THADA: variants seen among roughly 807,000 people sequenced by gnomAD.
THADA encodes THADA armadillo repeat containing.
Under a neutral mutation model 219.8 loss-of-function variants are expected in THADA, and 213 were observed. The observed-to-expected ratio is 0.97, with a 90% CI of 0.87 to 1.09. THADA has a LOEUF of 1.09. Ranked by LOEUF, THADA falls within the 50% of genes least tolerant of loss-of-function variation. The pLI, the probability that THADA is intolerant of heterozygous loss-of-function variation, is 0.00. For missense variants in THADA, 2,956 were observed against 2,311.3 expected (o/e 1.28, Z -5.72); for synonymous variants, 1,018 against 828.9 (o/e 1.23, Z -3.92).
chr2:43,450,600 T>C (rs571890337), intron 26 of THADA, among the ~76,000 whole-genome samples: 8 of 150,674 alleles, frequency 5.3e-5, no homozygotes, highest in East Asian at 2.0e-4. Context: ...AGAAAACAAA[T>C]AGCCAAATTA....
intron 29 of THADA, among the ~76,000 whole-genome samples, chr2:43,355,536 TA>T (rs1668780116): frequency 6.6e-6 from 1 of 152,244 alleles, no homozygotes; most frequent in South Asian, 2.1e-4. Context: ...TTTGCTTTTG[TA>T]GACTGACCTT....
intron 20 of THADA, among the ~76,000 whole-genome samples, chr2:43,543,776 T>C (rs1348982778): frequency 6.6e-6 from 1 of 152,172 alleles, no homozygotes; most frequent in African/African-American, 2.4e-5. Context: ...TATTAGCCCT[T>C]TGTCAGATGA....
At chr2:43,442,222 C>T (rs967707673) in intron 26 of THADA, among the ~76,000 whole-genome samples, 3 of 152,132 alleles carry the variant, frequency 2.0e-5, no homozygotes, top group Non-Finnish European at 2.9e-5. Context: ...GATCCCTTGA[C>T]GTCAGGAGTT....
Position 43,231,150 on chromosome 2 carries a change from C to G in THADA, c.5660G>C (p.Arg1887Thr), listed in dbSNP as rs1476526284. Residue 1887 changes from arginine (R) to threonine (T), a missense_variant, in exon 38 of 38, where the codon AGA (arginine) becomes ACA (threonine). Transcript: ENST00000405975. The part of the protein sequence containing the change: ...EQCHLLSQFF[R>T]ELPPAAEFVK... ...AAACTCAGCAGCTGGTGGAAGCTCT[C>G]TGAAGAACTGAGACAGGAGGTGGCA... 2 of 1,613,724 alleles carry G rather than the reference C, an allele frequency of 1.2e-6. No individual in the cohort carries two copies. Among genetic ancestry groups the G allele is most frequent in the African/African-American group, 1.3e-5 (1 of 74,906 alleles).
At chr2:43,467,475 A>G (rs1684398504) in intron 26 of THADA, among the ~76,000 whole-genome samples, 1 of 152,196 alleles carries the variant, frequency 6.6e-6, no homozygotes, top group African/African-American at 2.4e-5. Context: ...TACTGATGCT[A>G]CTACCATCAT....
chr2:43,559,214 A>C (rs1024047772), intron 16 of THADA, among the ~76,000 whole-genome samples: 2 of 152,206 alleles, frequency 1.3e-5, no homozygotes, highest in Non-Finnish European at 2.9e-5. Flanking sequence ...AGCACCAGGG[A>C]ACTTTCTGCT....
At chr2:43,284,074 G>A (rs570289304) in intron 35 of THADA, among the ~76,000 whole-genome samples, 2 of 152,202 alleles carry the variant, frequency 1.3e-5, no homozygotes, top group African/African-American at 4.8e-5. Context: ...AGCTACTGAG[G>A]AGGCTGAGGC....
chr2:43,400,120 G>C (rs1674614402), intron 28 of THADA, among the ~76,000 whole-genome samples: 1 of 152,022 alleles, frequency 6.6e-6, no homozygotes, highest in Non-Finnish European at 1.5e-5. Context: ...TTTCCAATTA[G>C]CAGTGACTGT....
At chr2:43,274,713 G>A (rs148725934) in intron 36 of THADA, among the ~76,000 whole-genome samples, 52 of 152,194 alleles carry the variant, frequency 3.4e-4, no homozygotes, top group African/African-American at 1.2e-3. Context: ...ATGACTTTTT[G>A]TGGGCAAGGG....
At chr2:43,515,326 A>T (rs1219715115) in intron 22 of THADA, among the ~76,000 whole-genome samples, 5 of 40,224 alleles carry the variant, frequency 1.2e-4, no homozygotes, top group Admixed American at 1.1e-3. Flanking sequence ...TTTTATATAT[A>T]ATATATAATA....
intron 26 of THADA, 28 bp from the exon 27 acceptor site, chr2:43,430,330 T>C: frequency 1.5e-6 from 2 of 1,302,822 alleles, no homozygotes; most frequent in Non-Finnish European, 2.1e-6. Flanking sequence ...AAAAATTTAT[T>C]ATCATTTATT....
chr2:43,332,847 T>A (rs1232778754), intron 30 of THADA, among the ~76,000 whole-genome samples: 2 of 152,206 alleles, frequency 1.3e-5, no homozygotes, highest in Admixed American at 1.3e-4. Flanking sequence ...TTTCTATATT[T>A]AAAAAGTAGA....
At chr2:43,580,024 C>CTTT (rs34171011) in intron 8 of THADA, among the ~76,000 whole-genome samples, 35,612 of 122,396 alleles carry the variant, frequency 0.29, 5,710 homozygotes, top group South Asian at 0.33. Context: ...AAAGCTACTT[C>CTTT]TTTTTTTTTT....
chr2:43,412,721 C>G (rs1224598725), intron 28 of THADA, among the ~76,000 whole-genome samples: 1 of 152,212 alleles, frequency 6.6e-6, no homozygotes, highest in Non-Finnish European at 1.5e-5. Flanking sequence ...ACTGCTTTAA[C>G]TAACCATGCT....
rs138010016 is a variant in THADA at position 43,476,666 on chromosome 2, C to T, written c.3836+8568G>A. 5.3e-3 allele frequency among the ~76,000 whole-genome samples: 807 copies of T among 152,288 alleles called. 2 individuals are homozygous for T. Among genetic ancestry groups the T allele is most frequent in the Middle Eastern group, 0.017 (5 of 294 alleles). ...TGTGCTACTTAATTTACTAGCAAGA[C>T]TGTATTTCAAAGCTGGTTACTATGT... On this transcript the variant is annotated intron_variant, in intron 26 of 37. Transcript: ENST00000405975.
At chr2:43,353,879 G>A (rs1461626612) in intron 29 of THADA, among the ~76,000 whole-genome samples, 1 of 149,342 alleles carries the variant, frequency 6.7e-6, no homozygotes, top group Non-Finnish European at 1.5e-5. Flanking sequence ...GTGCAGTGGT[G>A]CGTTCTTGGC....
At chr2:43,373,857 T>C (rs1036719135) in intron 29 of THADA, among the ~76,000 whole-genome samples, 3 of 152,236 alleles carry the variant, frequency 2.0e-5, no homozygotes, top group African/African-American at 7.2e-5. Flanking sequence ...ATGTTCTTTG[T>C]ATTGATCACA....
chr2:43,501,300 C>T (rs1244981057), intron 24 of THADA, among the ~76,000 whole-genome samples: 1 of 40,218 alleles, frequency 2.5e-5, no homozygotes, highest in Non-Finnish European at 4.4e-5. Context: ...AAGCGAAACT[C>T]CAACTCCAAA....
At position 43,546,488 on chromosome 2, in the gene THADA, T is replaced by C. The variant is rs912411549; in HGVS notation, c.3106+2722A>G. On this transcript the variant is annotated intron_variant, in intron 20 of 37. Transcript: ENST00000405975. ...GGTGGGGTGTTAAAGTCTCCCATTA[T>C]TATTGTGTGGGAGTCTAAGTCTCTT... is the stretch of plus-strand genomic sequence containing the variant. Among the ~76,000 whole-genome samples the C allele has an allele frequency of 7.2e-5, 11 of 152,296 alleles. No homozygotes were observed. In the South Asian group the frequency reaches 2.1e-3, roughly 29 times the overall value.
Sources: allele counts gnomAD v4.1 joint callset (sites outside exome capture counted in the v4.1 genomes callset), GRCh38; gene constraint gnomAD v4.1.1; transcripts MANE v1.5; gene names NCBI Gene and HGNC (gene_info 2026-07-23, HGNC 2026-07-21).